Variants in ESRRG observed in about 807,000 individuals in gnomAD.
The protein encoded by ESRRG is estrogen-related receptor gamma.
ESRRG carries 13 observed loss-of-function variants against 44.0 expected under a neutral mutation model. The ratio of observed to expected loss-of-function variants is 0.30; its 90% CI spans 0.19 to 0.47. The LOEUF is 0.47. Among genes scored for constraint, ESRRG ranks in the 20% least tolerant of loss-of-function variants. The pLI is 1.00. For synonymous variants in ESRRG, 215 were observed against 214.6 expected (o/e 1.00, Z -0.02); for missense variants, 395 against 580.6 (o/e 0.68, Z 3.29).
chr1:216,509,314 T>C (rs2042065225), intron 6 of ESRRG, among the ~76,000 whole-genome samples: 2 of 152,242 alleles, frequency 1.3e-5, no homozygotes, highest in South Asian at 4.1e-4. Context: ...ACATTGCCAG[T>C]TGTATGAAAA....
intron 3 of ESRRG, among the ~76,000 whole-genome samples, chr1:216,646,011 T>C (rs1382349914): frequency 3.3e-5 from 5 of 152,096 alleles, no homozygotes; most frequent in Admixed American, 6.6e-5. Context: ...CTCCTCCCTC[T>C]CTGCTTTCTC....
chr1:216,662,374 A>C (rs1050621020), intron 2 of ESRRG, among the ~76,000 whole-genome samples: 2 of 152,168 alleles, frequency 1.3e-5, no homozygotes, highest in African/African-American at 4.8e-5. Context: ...TCATAAAAGA[A>C]GGTAAAACAT....
chr1:216,844,188 C>G (rs2095700915), intron 2 of ESRRG, among the ~76,000 whole-genome samples: 1 of 152,022 alleles, frequency 6.6e-6, no homozygotes, highest in Non-Finnish European at 1.5e-5. Context: ...TCATTACAGG[C>G]CTGGAGAGTT....
intron 3 of ESRRG, among the ~76,000 whole-genome samples, chr1:216,610,328 T>C (rs1233937246): frequency 1.3e-5 from 2 of 151,988 alleles, no homozygotes; most frequent in East Asian, 1.9e-4. Context: ...GCTTACAATA[T>C]GCCCATCAAC....
At chr1:216,948,662 G>C (rs531816197) in intron 1 of ESRRG, among the ~76,000 whole-genome samples, 67 of 151,900 alleles carry the variant, frequency 4.4e-4, no homozygotes, top group Admixed American at 5.2e-4. Flanking sequence ...TGGGATTGTT[G>C]TGTTCTCAAA....
At position 216,506,950 on chromosome 1, in the gene ESRRG, C is replaced by A. The variant is rs1408576320; in HGVS notation, c.1366G>T (p.Ala456Ser). The change falls in exon 7 of 7, where the codon GCC (alanine) becomes TCC (serine). Residue 456 changes from alanine (A) to serine (S), a missense_variant. Transcript: ENST00000408911. ...MHKLFLEMLE[A>S]KV ...CAGGGAGCTTTTAGTCAGACCTTGG[C>A]CTCCAACATTTCCAAAAAAAGTTTG... is the stretch of plus-strand genomic sequence containing the variant. 1.2e-6 allele frequency: 2 copies of A among 1,613,646 alleles called. No individual in the cohort carries two copies. Among genetic ancestry groups the A allele is most frequent in the East Asian group, 4.5e-5 (2 of 44,882 alleles).
chr1:216,744,445 A>T (rs747737802), intron 2 of ESRRG, among the ~76,000 whole-genome samples: 4 of 150,888 alleles, frequency 2.7e-5, no homozygotes, highest in African/African-American at 4.9e-5. Context: ...ATCCCATCTG[A>T]GTCTAGTACC....
At chr1:216,842,669 C>T (rs1448581260) in intron 2 of ESRRG, among the ~76,000 whole-genome samples, 1 of 152,144 alleles carries the variant, frequency 6.6e-6, no homozygotes, top group Non-Finnish European at 1.5e-5. Flanking sequence ...TAAGGCAACC[C>T]AGCCAAAGAT....
At chr1:216,566,259 C>T (rs980588269) in intron 4 of ESRRG, among the ~76,000 whole-genome samples, 4 of 152,192 alleles carry the variant, frequency 2.6e-5, no homozygotes, top group African/African-American at 9.6e-5. Flanking sequence ...GGCACAGTCT[C>T]TTGACACTTA....
At chr1:217,106,368 A>G (rs1305953411) in intron 1 of ESRRG, among the ~76,000 whole-genome samples, 2 of 149,150 alleles carry the variant, frequency 1.3e-5, no homozygotes, top group African/African-American at 5.0e-5. Flanking sequence ...CCACACACAT[A>G]CATCTATTCA....
rs534757193 is a variant in ESRRG at position 217,120,005 on chromosome 1, T to G, written c.-230+17662A>C. 2.6e-5 allele frequency among the ~76,000 whole-genome samples: 4 copies of G among 152,356 alleles called. No homozygotes were observed. The South Asian group carries it at 8.3e-4, about 32-fold the overall frequency. On this transcript the variant is annotated intron_variant, in intron 1 of 8. Transcript: ENST00000366940. The stretch of plus-strand genomic sequence containing the variant: ...AAGATTAACAGTAATAATAAGTAGA[T>G]GTTGCTCCATTCCTTTGAGGAGCTC...
At chr1:216,799,014 A>G (rs1288998694) in intron 2 of ESRRG, among the ~76,000 whole-genome samples, 1 of 152,140 alleles carries the variant, frequency 6.6e-6, no homozygotes, top group African/African-American at 2.4e-5. Flanking sequence ...AGGCTTGGCT[A>G]TACAATTTCC....
At chr1:216,779,152 A>C (rs1273542301) in intron 2 of ESRRG, among the ~76,000 whole-genome samples, 1 of 114,826 alleles carries the variant, frequency 8.7e-6, no homozygotes, top group African/African-American at 3.3e-5. Flanking sequence ...ATATTTATAT[A>C]TATATAAAAT....
intron 2 of ESRRG, among the ~76,000 whole-genome samples, chr1:216,790,947 A>G (rs996703466): frequency 6.6e-6 from 1 of 152,174 alleles, no homozygotes; most frequent in Admixed American, 6.6e-5. Context: ...TTGAACAAAA[A>G]TGGAAGTATT....
chr1:216,660,396 C>G (rs1473026180), intron 2 of ESRRG, among the ~76,000 whole-genome samples: 2 of 152,114 alleles, frequency 1.3e-5, no homozygotes, highest in Admixed American at 6.5e-5. Context: ...TATGAACTAC[C>G]ATTCTGTGAT....
At chr1:216,509,341 C>T (rs892853773) in intron 6 of ESRRG, among the ~76,000 whole-genome samples, 8 of 152,264 alleles carry the variant, frequency 5.3e-5, no homozygotes, top group African/African-American at 1.9e-4. Flanking sequence ...AGAGTATTCT[C>T]CTTGATAAGA....
chr1:216,630,003 C>A (rs562553059), intron 3 of ESRRG, among the ~76,000 whole-genome samples: 1 of 152,250 alleles, frequency 6.6e-6, no homozygotes, highest in South Asian at 2.1e-4. Flanking sequence ...AACTCCCTCT[C>A]CACAAATTAC....
intron 3 of ESRRG, 46 bp from the exon 4 acceptor site, chr1:216,568,144 TTGA>T (rs1307841568): frequency 7.5e-7 from 1 of 1,330,588 alleles, no homozygotes; most frequent in African/African-American, 1.4e-5. Context: ...GTAGCTATGT[TTGA>T]GACCAATCAA....
intron 2 of ESRRG, among the ~76,000 whole-genome samples, chr1:216,914,740 T>G (rs1191429390): frequency 6.6e-6 from 1 of 152,164 alleles, no homozygotes; most frequent in East Asian, 1.9e-4. Flanking sequence ...AATCTGGCAG[T>G]GCTGACCATT....
Sources: allele counts gnomAD v4.1 joint callset (sites outside exome capture counted in the v4.1 genomes callset), GRCh38; gene constraint gnomAD v4.1.1; transcripts MANE v1.5; gene names NCBI Gene and HGNC (gene_info 2026-07-23, HGNC 2026-07-21).